SENP7: variants seen among roughly 807,000 people sequenced by gnomAD.
SENP7 encodes the protein SUMO specific peptidase 7.
A neutral mutation model predicts 141.2 loss-of-function variants in SENP7; 64 were observed. The ratio of observed to expected loss-of-function variants is 0.45; its 90% CI spans 0.37 to 0.56. The LOEUF (loss-of-function observed/expected upper bound fraction) is 0.56. Ranked by LOEUF, SENP7 falls within the 20% of genes least tolerant of loss-of-function variation. The pLI is 0.00. For synonymous variants in SENP7, 382 were observed against 426.4 expected, an observed-to-expected ratio of 0.90 and a Z score of 1.28; for missense variants, 1,025 against 1,212.2, an observed-to-expected ratio of 0.85 and a Z score of 2.29.
chr3:101,358,231 G>A, intron 11 of SENP7: 1 of 883,140 alleles, frequency 1.1e-6, no homozygotes, highest in South Asian at 1.3e-5. Context: ...CTAAACATAA[G>A]AGAACTCATA....
chr3:101,469,261 T>A (rs1029867864), intron 3 of SENP7, among the ~76,000 whole-genome samples: 1 of 151,972 alleles, frequency 6.6e-6, no homozygotes, highest in Non-Finnish European at 1.5e-5. Context: ...AGCAAGTCCT[T>A]AGAGACCTAC....
intron 4 of SENP7, chr3:101,457,690 G>C: frequency 2.4e-6 from 3 of 1,244,028 alleles, no homozygotes; most frequent in Non-Finnish European, 3.5e-6. Context: ...TGTGCCTGCA[G>C]TTTGGCAAGT....
At chr3:101,374,932 A>T (rs1429055288) in intron 6 of SENP7, among the ~76,000 whole-genome samples, 10 of 152,098 alleles carry the variant, frequency 6.6e-5, no homozygotes. Flanking sequence ...AAAAATAAAT[A>T]ACAATTAAAA....
chr3:101,416,377 T>A (rs988998724), intron 5 of SENP7, among the ~76,000 whole-genome samples: 2 of 152,198 alleles, frequency 1.3e-5, no homozygotes, highest in African/African-American at 4.8e-5. Context: ...AGATGTAGGA[T>A]GAGGCGATTG....
chr3:101,367,293 T>C (rs188334274), intron 8 of SENP7, among the ~76,000 whole-genome samples: 72 of 152,124 alleles, frequency 4.7e-4, no homozygotes, highest in Non-Finnish European at 8.7e-4. Flanking sequence ...ATCAAAGAAA[T>C]TGAAAAGCTG....
intron 13 of SENP7, 141 bp downstream of exon 13, chr3:101,347,731 A>T: frequency 1.9e-6 from 1 of 514,178 alleles, no homozygotes; most frequent in African/African-American, 2.0e-5. Context: ...CAAAAAAAAA[A>T]AAAAAAAGAA....
intron 4 of SENP7, among the ~76,000 whole-genome samples, chr3:101,436,322 C>A (rs1272921779): frequency 6.6e-6 from 1 of 152,082 alleles, no homozygotes; most frequent in Non-Finnish European, 1.5e-5. Flanking sequence ...GAAACTACTA[C>A]AAGAAAACAC....
At chr3:101,409,536 A>G (rs548914322) in intron 5 of SENP7, among the ~76,000 whole-genome samples, 1 of 152,216 alleles carries the variant, frequency 6.6e-6, no homozygotes, top group Non-Finnish European at 1.5e-5. Flanking sequence ...CTGATCTCAT[A>G]CCATAAGGCC....
intron 4 of SENP7, among the ~76,000 whole-genome samples, chr3:101,455,136 T>C (rs2063307758): frequency 6.6e-6 from 1 of 152,214 alleles, no homozygotes; most frequent in Non-Finnish European, 1.5e-5. Flanking sequence ...TCCCCAGGTG[T>C]ATTTTTGTTG....
At chr3:101,420,367 C>A (rs1409835584) in intron 4 of SENP7, among the ~76,000 whole-genome samples, 8 of 145,062 alleles carry the variant, frequency 5.5e-5, no homozygotes, top group African/African-American at 7.7e-5. Context: ...GACTCCGTCT[C>A]AAAAAAAAAA....
intron 3 of SENP7, 25 bp downstream of exon 3, chr3:101,493,848 A>C (rs765064946): frequency 7.4e-6 from 10 of 1,346,126 alleles, no homozygotes; most frequent in Non-Finnish European, 1.0e-5. Context: ...CTGTATACTT[A>C]AAATAAATTA....
At chr3:101,476,861 G>C (rs1365636434) in intron 3 of SENP7, among the ~76,000 whole-genome samples, 7 of 152,158 alleles carry the variant, frequency 4.6e-5, no homozygotes, top group Admixed American at 2.0e-4. Flanking sequence ...GTGATGATGA[G>C]CTTTTTTTCA....
At chr3:101,394,297 G>C (rs1217997314) in intron 6 of SENP7, among the ~76,000 whole-genome samples, 4 of 152,088 alleles carry the variant, frequency 2.6e-5, no homozygotes, top group African/African-American at 9.7e-5. Context: ...TTTTATGGCT[G>C]AATGGTATTC....
At chr3:101,499,266 C>T (rs571401470) in intron 2 of SENP7, among the ~76,000 whole-genome samples, 23 of 152,048 alleles carry the variant, frequency 1.5e-4, no homozygotes, top group South Asian at 8.3e-4. Flanking sequence ...GTCTAAAGCA[C>T]GATATTTCAC....
At chr3:101,489,503 C>CTATTTTTTATATTCTTATAT in intron 3 of SENP7, among the ~76,000 whole-genome samples, 1 of 152,014 alleles carries the variant, frequency 6.6e-6, no homozygotes, top group East Asian at 1.9e-4. Context: ...AGAGCAGGAG[C>CTATTTTTTATATTCTTATAT]CACTATTCTT....
In SENP7 at chr3:101,513,125, G is replaced by C; in HGVS notation, c.6C>G (p.Asp2Glu). The C allele has an allele frequency of 5.2e-6, 8 of 1,552,390 alleles. No individual in the cohort carries two copies. Among genetic ancestry groups the C allele is most frequent in the Non-Finnish European group, 7.0e-6 (8 of 1,145,432 alleles). M[D>E]KRKLGRRPSS... is the part of the protein sequence containing the mutation. Reference sequence around the variant, plus strand: ...ATGGCCGTCGCCCGAGCTTTCTCTTGTCCATCTTCTCCCGCTGCTGAAATT... The same window carrying C: ...ATGGCCGTCGCCCGAGCTTTCTCTTCTCCATCTTCTCCCGCTGCTGAAATT... The change falls in exon 1 of 24, where the codon GAC (aspartate) becomes GAG (glutamate). Residue 2 changes from aspartate (D) to glutamate (E), a missense_variant. This residue lies in a region of SENP7 where 496 missense variants were observed against 503.5 expected (regional missense o/e 0.99). Coordinates refer to ENST00000394095, the MANE Select transcript of SENP7 (RefSeq NM_020654.5).
chr3:101,332,276 CAG>C (rs1201443458), intron 18 of SENP7, among the ~76,000 whole-genome samples, 167 bp from the exon 19 acceptor site: 1 of 152,090 alleles, frequency 6.6e-6, no homozygotes, highest in African/African-American at 2.4e-5. Flanking sequence ...ACTAAATATC[CAG>C]AGTTACCAAG....
intron 2 of SENP7, among the ~76,000 whole-genome samples, chr3:101,495,870 C>A (rs549605594): frequency 2.6e-5 from 4 of 152,140 alleles, no homozygotes; most frequent in African/African-American, 4.8e-5. Context: ...TCCTACACAT[C>A]CTGCAAGTGT....
intron 10 of SENP7, among the ~76,000 whole-genome samples, chr3:101,362,748 T>C (rs1005360465): frequency 6.6e-6 from 1 of 152,200 alleles, no homozygotes; most frequent in Non-Finnish European, 1.5e-5. Context: ...ATATGCTTTA[T>C]TGTATACTCT....
Sources: gnomAD v4.1 joint callset for allele counts (sites outside exome capture counted in the v4.1 genomes callset) on GRCh38, gnomAD v4.1.1 for gene constraint, gnomAD v4.1.1 regional missense constraint, MANE v1.5 for transcripts, NCBI Gene and HGNC (gene_info 2026-07-23, HGNC 2026-07-21) for gene names.